Variants in NOTCH2 observed in about 807,000 individuals in gnomAD.
NOTCH2 encodes notch receptor 2, also known as neurogenic locus notch homolog protein 2.
A neutral mutation model predicts 235.8 loss-of-function variants in NOTCH2; 29 were observed. The ratio of observed to expected loss-of-function variants is 0.12; its 90% confidence interval spans 0.09 to 0.17. The LOEUF is 0.17. Among genes scored for constraint, NOTCH2 ranks in the 10% least tolerant of loss-of-function variants. The pLI is 1.00. For missense variants in NOTCH2, 2,285 were observed against 3,150.2 expected, an observed-to-expected ratio of 0.73 and a Z score of 6.57; for synonymous variants, 1,086 against 1,141.5, an observed-to-expected ratio of 0.95 and a Z score of 0.98.
Position 119,913,747 on chromosome 1 carries a change from A to G in NOTCH2, c.*1559T>C, listed in dbSNP as rs1648968050. 4.3e-6 allele frequency: 1 copy of G among 232,906 alleles called. No individual in the cohort carries two copies. The highest frequency in any genetic ancestry group is 5.6e-5 in the Admixed American group (1 of 17,762). The allele number at this position is 232,906 out of a possible 1,614,324, so 14.4% of individuals were successfully genotyped here. A position where few individuals can be genotyped will look rare whatever the true frequency, so the allele number is the denominator to read the frequency against. ...TATCATCTAAAAGGTGACTCTAGGA[A>G]AGGAAAATGTTCTGTTGAGTTTCTA... On this transcript the variant is annotated 3_prime_UTR_variant, in exon 34 of 34. Transcript: ENST00000256646.
chr1:119,971,456 G>C (rs1160059626), intron 5 of NOTCH2, among the ~76,000 whole-genome samples: 1 of 152,186 alleles, frequency 6.6e-6, no homozygotes, highest in Non-Finnish European at 1.5e-5. Flanking sequence ...TATTGGAGTA[G>C]GACCACTTTG....
intron 11 of NOTCH2, among the ~76,000 whole-genome samples, 158 bp from the exon 12 acceptor site, chr1:119,959,660 G>A (rs1486829000): frequency 1.3e-5 from 2 of 152,152 alleles, no homozygotes; most frequent in East Asian, 1.9e-4. Context: ...CCACAGACTC[G>A]TTCAGGAAGA....
intron 3 of NOTCH2, among the ~76,000 whole-genome samples, chr1:119,997,800 CCT>C (rs1188546065): frequency 6.8e-6 from 1 of 146,580 alleles, no homozygotes; most frequent in Non-Finnish European, 1.5e-5. Context: ...ATGGTGAAAC[CCT>C]GTCTCTACTA....
chr1:119,926,649 G>A, intron 23 of NOTCH2, 38 bp from the exon 24 acceptor site: 2 of 1,521,508 alleles, frequency 1.3e-6, no homozygotes, highest in Admixed American at 1.9e-5. Context: ...TTAAAAGGCA[G>A]AAGTAGTCAC....
intron 5 of NOTCH2, among the ~76,000 whole-genome samples, chr1:119,972,952 T>A (rs1379026026): frequency 6.6e-6 from 1 of 152,124 alleles, no homozygotes; most frequent in African/African-American, 2.4e-5. Context: ...CTCAAACAAT[T>A]GGTTACTGGA....
At chr1:120,005,066 G>C (rs1208943374) in intron 3 of NOTCH2, among the ~76,000 whole-genome samples, 1 of 152,212 alleles carries the variant, frequency 6.6e-6, no homozygotes, top group East Asian at 1.9e-4. Flanking sequence ...GGGATTGCAA[G>C]CGTGCACCAC....
At chr1:120,011,902 G>C in intron 2 of NOTCH2, among the ~76,000 whole-genome samples, 1 of 149,858 alleles carries the variant, frequency 6.7e-6, no homozygotes, top group African/African-American at 2.5e-5. Flanking sequence ...TGTAGTCCCA[G>C]CTACTCGGGA....
At chr1:119,986,657 C>G (rs782523198) in intron 5 of NOTCH2, among the ~76,000 whole-genome samples, 2 of 152,108 alleles carry the variant, frequency 1.3e-5, no homozygotes, top group Admixed American at 6.6e-5. Flanking sequence ...AGGTAATGTC[C>G]TGCTTTTCCC....
At chr1:119,981,549 C>A (rs1377650065) in intron 5 of NOTCH2, among the ~76,000 whole-genome samples, 1 of 152,132 alleles carries the variant, frequency 6.6e-6, no homozygotes, top group Non-Finnish European at 1.5e-5. Flanking sequence ...GTGCCTGTAA[C>A]ATAGCCAAGG....
At position 119,997,069 on chromosome 1, in the gene NOTCH2, G is replaced by C; in HGVS notation, c.679C>G (p.Pro227Ala). The C allele has an allele frequency of 6.2e-7, 1 of 1,614,024 alleles. No homozygotes were observed. The highest frequency in any genetic ancestry group is 8.5e-7 in the Non-Finnish European group (1 of 1,179,868). Residue 227 changes from proline to alanine, a missense_variant, in exon 4 of 34, where the codon CCC becomes GCC. By Grantham distance (27) the Pro-to-Ala change is conservative. Transcript: ENST00000256646. ...YCDSLYVPCA[P>A]SPCVNGGTCR... The stretch of plus-strand genomic sequence containing the variant: ...GTGCCTCCATTGACACAAGGTGAGG[G>C]TGCACAGGGCACATACAGGCTGTCA...
intron 7 of NOTCH2, 53 bp from the exon 8 acceptor site, chr1:119,967,674 A>T (rs1195721721): frequency 6.7e-7 from 1 of 1,495,284 alleles, no homozygotes; most frequent in Non-Finnish European, 9.3e-7. Context: ...GTTTCCACAA[A>T]TGTGAACAAT....
chr1:119,959,594 A>G (rs1570693910), intron 11 of NOTCH2, 92 bp from the exon 12 acceptor site: 5 of 775,592 alleles, frequency 6.4e-6, no homozygotes, highest in Non-Finnish European at 1.1e-5. Flanking sequence ...TAAGAAATCT[A>G]AGGTGAATTC....
chr1:119,934,174 G>A (rs1649767133), intron 22 of NOTCH2, among the ~76,000 whole-genome samples: 1 of 152,152 alleles, frequency 6.6e-6, no homozygotes, highest in Non-Finnish European at 1.5e-5. Context: ...GTTGGAGGTG[G>A]GGCCTAATGG....
At chr1:120,011,355 C>G (rs587678740) in intron 2 of NOTCH2, among the ~76,000 whole-genome samples, 5 of 152,210 alleles carry the variant, frequency 3.3e-5, no homozygotes, top group African/African-American at 4.8e-5. Flanking sequence ...AAAGAACAAG[C>G]CTTCTGCTTC....
In NOTCH2 at chr1:119,916,380, A is replaced by G. The variant is rs1367192795; in HGVS notation, c.6342T>C (p.Thr2114=). The change falls in exon 34 of 34, where the codon ACT becomes ACC. Residue 2114 remains threonine (T), a synonymous_variant. Coordinates refer to ENST00000256646, the MANE Select transcript of NOTCH2 (RefSeq NM_024408.4). ...CCTCCTTGGCAAGGTTAGGGAGGCT[A>G]GTAGGCATGGTACTCTTGGCACTGG... ...RRPSAKSTMP[T]SLPNLAKEAK... 2 of 1,614,158 alleles carry G rather than the reference A, an allele frequency of 1.2e-6. No individual in the cohort carries two copies. Among genetic ancestry groups the G allele is most frequent in the Admixed American group, 1.7e-5 (1 of 60,020 alleles).
intron 2 of NOTCH2, among the ~76,000 whole-genome samples, chr1:120,008,879 T>A (rs1653075261): frequency 6.6e-6 from 1 of 152,024 alleles, no homozygotes; most frequent in South Asian, 2.1e-4. Flanking sequence ...GAAAACAAAA[T>A]TACTAAGTAA....
Position 119,987,095 on chromosome 1 carries a change from G to A in NOTCH2, c.752-13C>T, listed in dbSNP as rs782801786. The stretch of plus-strand genomic sequence containing the variant: ...CTCCCTTCAAAACCTGGTAAATGAA[G>A]AACAAATGAAAATGATGAAATCTCA... On this transcript the variant is annotated splice_polypyrimidine_tract_variant and intron_variant, in intron 4 of 33. Transcript: ENST00000256646. 3 of 1,612,258 alleles carry A rather than the reference G, an allele frequency of 1.9e-6. No homozygotes were observed. In the African/African-American group the frequency reaches 4.0e-5, roughly 22 times the overall value.
At chr1:119,957,829 A>C (rs990643645) in intron 12 of NOTCH2, among the ~76,000 whole-genome samples, 6 of 116,438 alleles carry the variant, frequency 5.2e-5, no homozygotes, top group South Asian at 3.4e-4. Context: ...GCCTTATATA[A>C]ACACACACAC....
intron 12 of NOTCH2, among the ~76,000 whole-genome samples, chr1:119,957,883 C>CACACAA (rs1491347411): frequency 4.8e-4 from 69 of 143,634 alleles, no homozygotes; most frequent in East Asian, 4.0e-3. Flanking sequence ...CACACACACA[C>CACACAA]AACAGGCCCC....
Sources: gnomAD v4.1 joint callset for allele counts (sites outside exome capture counted in the v4.1 genomes callset) on GRCh38, gnomAD v4.1.1 for gene constraint, MANE v1.5 for transcripts, NCBI Gene and HGNC (gene_info 2026-07-23, HGNC 2026-07-21) for gene names.